Variants in ENTREP2 observed in about 807,000 individuals in gnomAD.
ENTREP2 encodes the protein endosomal transmembrane epsin interactor 2.
the ENTREP2 span, chr15:29,609,732 A>T: frequency 2.0e-5 from 3 of 150,510 alleles, no homozygotes; most frequent in African/African-American, 7.3e-5. Context: ...CAGTCATTGC[A>T]GCACAAAATG....
chr15:29,245,398 C>T, the ENTREP2 span, among the ~76,000 whole-genome samples: 720 of 152,042 alleles, frequency 4.7e-3, 5 homozygotes, highest in African/African-American at 0.017. Flanking sequence ...TATTTATAAT[C>T]TTGGAGTGGG....
the ENTREP2 span, among the ~76,000 whole-genome samples, chr15:29,608,522 T>TTATTATTA: frequency 2.1e-5 from 3 of 140,550 alleles, no homozygotes; most frequent in South Asian, 7.0e-4. Flanking sequence ...TCCTGCCTTC[T>TTATTATTA]TTATTATTAT....
the ENTREP2 span, among the ~76,000 whole-genome samples, chr15:29,170,068 A>G: frequency 6.8e-3 from 1,041 of 152,092 alleles, 15 homozygotes; most frequent in African/African-American, 0.023. Context: ...AGCACTTTGG[A>G]GGGCCGAGGC....
the ENTREP2 span, among the ~76,000 whole-genome samples, chr15:29,674,128 T>TGG: frequency 0.062 from 2,816 of 45,726 alleles, 311 homozygotes; most frequent in Non-Finnish European, 0.096. Context: ...CTGCAGAGGA[T>TGG]GGGGGGGGGG....
chr15:29,552,426 G>A, the ENTREP2 span, among the ~76,000 whole-genome samples: 5 of 152,080 alleles, frequency 3.3e-5, no homozygotes, highest in East Asian at 5.8e-4. Flanking sequence ...AACAGTACAC[G>A]CACACACTCA....
chr15:29,485,218 G>A, the ENTREP2 span, among the ~76,000 whole-genome samples: 1 of 152,150 alleles, frequency 6.6e-6, no homozygotes, highest in East Asian at 1.9e-4. Flanking sequence ...TGGAGAGAAA[G>A]GTAAAATAAA....
chr15:29,185,816 C>A, the ENTREP2 span, among the ~76,000 whole-genome samples: 1 of 152,188 alleles, frequency 6.6e-6, no homozygotes, highest in Non-Finnish European at 1.5e-5. Context: ...CCCACCTCGG[C>A]CTCCCAAAAT....
chr15:29,306,664 ATTTTTTTTTTTTTTTTTTTTTTTTT>A, the ENTREP2 span, among the ~76,000 whole-genome samples: 20,113 of 77,778 alleles, frequency 0.26, 2,811 homozygotes, highest in African/African-American at 0.44. Flanking sequence ...ATAATTGGTA[ATTTTTTTTTTTTTTTTTTTTTTTTT>A]TTTTTTTTTT....
chr15:29,439,290 C>A, the ENTREP2 span, among the ~76,000 whole-genome samples: 3 of 29,560 alleles, frequency 1.0e-4, no homozygotes, highest in African/African-American at 2.7e-4. Flanking sequence ...GAATTACACA[C>A]ACACACACAC....
At chr15:29,647,286 G>A in the ENTREP2 span, among the ~76,000 whole-genome samples, 5 of 152,330 alleles carry the variant, frequency 3.3e-5, 1 homozygote, top group East Asian at 9.6e-4. Context: ...AATGTCCTCT[G>A]AAAGCAGAAG....
the ENTREP2 span, among the ~76,000 whole-genome samples, chr15:29,215,821 G>T: frequency 6.6e-6 from 1 of 152,078 alleles, no homozygotes; most frequent in Admixed American, 6.5e-5. Flanking sequence ...GGCAGCAGAT[G>T]GTTGTTGAGT....
chr15:29,136,464 T>A, the ENTREP2 span: 1 of 1,548,296 alleles, frequency 6.5e-7, no homozygotes, highest in Non-Finnish European at 8.7e-7. Context: ...TCATACAAAG[T>A]GCCGAATGGA....
At chr15:29,408,765 G>A in the ENTREP2 span, among the ~76,000 whole-genome samples, 5 of 151,950 alleles carry the variant, frequency 3.3e-5, no homozygotes, top group Admixed American at 3.3e-4. Flanking sequence ...TTTATATTCT[G>A]AAATTTTTCA....
the ENTREP2 span, among the ~76,000 whole-genome samples, chr15:29,545,479 G>A: frequency 6.6e-6 from 1 of 152,190 alleles, no homozygotes; most frequent in Non-Finnish European, 1.5e-5. Flanking sequence ...TTGTGATCTT[G>A]AGTAAAACAA....
chr15:29,320,089 C>A, the ENTREP2 span, among the ~76,000 whole-genome samples: 1 of 152,194 alleles, frequency 6.6e-6, no homozygotes, highest in Non-Finnish European at 1.5e-5. Flanking sequence ...CCCGTGCAGC[C>A]TTCCTGTCTC....
the ENTREP2 span, among the ~76,000 whole-genome samples, chr15:29,347,674 C>T: frequency 3.3e-5 from 5 of 152,212 alleles, no homozygotes; most frequent in African/African-American, 9.6e-5. Flanking sequence ...TGCTAGGAAA[C>T]GATGGACCAA....
At chr15:29,158,075 C>G in the ENTREP2 span, among the ~76,000 whole-genome samples, 3 of 152,166 alleles carry the variant, frequency 2.0e-5, no homozygotes, top group Non-Finnish European at 4.4e-5. Context: ...TTACTTTGTC[C>G]TCAATCTAGA....
At chr15:29,481,221 C>T in the ENTREP2 span, among the ~76,000 whole-genome samples, 3 of 152,162 alleles carry the variant, frequency 2.0e-5, no homozygotes, top group South Asian at 2.1e-4. Context: ...ACTACCTATA[C>T]GGGCACTTCT....
the ENTREP2 span, among the ~76,000 whole-genome samples, chr15:29,449,774 C>T: frequency 2.4e-3 from 366 of 152,290 alleles, 5 homozygotes; most frequent in Middle Eastern, 0.01. Context: ...TTTAATTAGA[C>T]AAACATTTTG....
Sources: gnomAD v4.1 joint callset for allele counts (sites outside exome capture counted in the v4.1 genomes callset) on GRCh38, gnomAD v4.1.1 for gene constraint, MANE v1.5 for transcripts, NCBI Gene and HGNC (gene_info 2026-07-23, HGNC 2026-07-21) for gene names.